Variants in IL1RAPL1 observed in about 807,000 individuals in gnomAD.
IL1RAPL1 encodes the protein interleukin 1 receptor accessory protein like 1.
In IL1RAPL1, 3 loss-of-function variants were observed where a neutral mutation model predicts 48.4. That is an observed-to-expected ratio of 0.06 (90% CI 0.03 to 0.16). The LOEUF (loss-of-function observed/expected upper bound fraction) is 0.16. Ranked by LOEUF, IL1RAPL1 falls within the 10% of genes least tolerant of loss-of-function variation. The pLI is 1.00. For missense variants in IL1RAPL1, 349 were observed against 530.6 expected, an observed-to-expected ratio of 0.66 and a Z score of 3.36; for synonymous variants, 185 against 187.7, an observed-to-expected ratio of 0.99 and a Z score of 0.12.
intron 5 of IL1RAPL1, among the ~76,000 whole-genome samples, chrX:29,606,013 C>G (rs192249525): frequency 1.8e-5 from 2 of 112,058 alleles, no homozygotes; most frequent in East Asian, 5.6e-4. Context: ...AGAAACCTAG[C>G]TCTATAACCT....
chrX:29,189,169 G>A (rs1026015608), intron 2 of IL1RAPL1, among the ~76,000 whole-genome samples: 1 of 112,170 alleles, frequency 8.9e-6, no homozygotes, highest in African/African-American at 3.2e-5. Context: ...GAATAAAGCA[G>A]AATATAAGAT....
intron 6 of IL1RAPL1, among the ~76,000 whole-genome samples, chrX:29,739,140 G>A (rs1190038889): frequency 8.9e-6 from 1 of 112,128 alleles, no homozygotes; most frequent in Non-Finnish European, 1.9e-5. Flanking sequence ...TGTGCTGAAA[G>A]GCACATAAAG....
intron 2 of IL1RAPL1, among the ~76,000 whole-genome samples, chrX:28,954,071 G>C (rs913387738): frequency 9.0e-6 from 1 of 111,370 alleles, no homozygotes; most frequent in African/African-American, 3.3e-5. Context: ...CATTGTCCTT[G>C]ATATTTAATA....
chrX:28,889,111 T>C (rs1922712202), intron 2 of IL1RAPL1, among the ~76,000 whole-genome samples: 1 of 111,408 alleles, frequency 9.0e-6, no homozygotes, highest in South Asian at 3.7e-4. Context: ...TATTTTGGGG[T>C]TCCTGGATTT....
intron 6 of IL1RAPL1, among the ~76,000 whole-genome samples, chrX:29,823,598 C>A (rs757232866): frequency 3.6e-5 from 4 of 111,837 alleles, no homozygotes; most frequent in Non-Finnish European, 5.7e-5. Context: ...TGAAGTTAGG[C>A]AATTCATGTA....
chrX:29,127,104 G>A (rs182934358), intron 2 of IL1RAPL1, among the ~76,000 whole-genome samples: 8 of 111,372 alleles, frequency 7.2e-5, no homozygotes, highest in African/African-American at 2.3e-4. Context: ...TAAACAGAGC[G>A]TTTTATAACA....
chrX:29,466,245 A>G (rs749565542), intron 5 of IL1RAPL1, among the ~76,000 whole-genome samples: 156 of 112,174 alleles, frequency 1.4e-3, no homozygotes, highest in Non-Finnish European at 2.3e-3. Flanking sequence ...ATGGTGTTCA[A>G]TCCATATTCC....
At chrX:29,087,843 T>C (rs1007738892) in intron 2 of IL1RAPL1, among the ~76,000 whole-genome samples, 1 of 111,894 alleles carries the variant, frequency 8.9e-6, no homozygotes, top group Non-Finnish European at 1.9e-5. Context: ...GAGACCGGCC[T>C]GGGCAACATG....
intron 3 of IL1RAPL1, among the ~76,000 whole-genome samples, chrX:29,368,593 T>TC (rs1310490065): frequency 6.0e-5 from 6 of 100,347 alleles, no homozygotes; most frequent in African/African-American, 2.3e-4. Flanking sequence ...TTTCTTTCTT[T>TC]TTTTTTTTTT....
intron 6 of IL1RAPL1, among the ~76,000 whole-genome samples, chrX:29,759,715 T>C (rs984386829): frequency 1.8e-5 from 2 of 111,842 alleles, no homozygotes; most frequent in Non-Finnish European, 3.8e-5. Flanking sequence ...TATAAAATGA[T>C]TGAGGAATTT....
At chrX:28,877,842 G>C (rs1360953776) in intron 2 of IL1RAPL1, among the ~76,000 whole-genome samples, 1 of 111,664 alleles carries the variant, frequency 9.0e-6, no homozygotes, top group Admixed American at 9.6e-5. Flanking sequence ...AAGTAAATTA[G>C]ACTAAACATC....
At chrX:28,654,222 G>A (rs551368436) in intron 1 of IL1RAPL1, among the ~76,000 whole-genome samples, 22 of 101,472 alleles carry the variant, frequency 2.2e-4, no homozygotes, top group Non-Finnish European at 3.9e-4. Context: ...AAACACACAC[G>A]AACAAACAAA....
chrX:29,031,259 G>T (rs1229773128), intron 2 of IL1RAPL1, among the ~76,000 whole-genome samples: 1 of 111,883 alleles, frequency 8.9e-6, no homozygotes, highest in East Asian at 2.8e-4. Flanking sequence ...TCTAATTTTT[G>T]CTAACCATTT....
intron 7 of IL1RAPL1, 74 bp from the exon 8 acceptor site, chrX:29,919,875 T>C (rs1207888391): frequency 1.0e-6 from 1 of 994,743 alleles, no homozygotes; most frequent in African/African-American, 1.9e-5. Flanking sequence ...CAGATTCGGA[T>C]TCATCTACAT....
At chrX:29,758,173 T>C (rs1928664483) in intron 6 of IL1RAPL1, among the ~76,000 whole-genome samples, 1 of 112,288 alleles carries the variant, frequency 8.9e-6, no homozygotes, top group Non-Finnish European at 1.9e-5. Flanking sequence ...CATTGTTTAA[T>C]TCTTTCTTCT....
chrX:28,648,559 T>A (rs1934643195), intron 1 of IL1RAPL1, among the ~76,000 whole-genome samples: 1 of 112,048 alleles, frequency 8.9e-6, no homozygotes. Flanking sequence ...AGAACTACTT[T>A]GGTTTTGTCT....
At chrX:29,799,519 C>T (rs775644085) in intron 6 of IL1RAPL1, among the ~76,000 whole-genome samples, 1 of 112,396 alleles carries the variant, frequency 8.9e-6, no homozygotes, top group South Asian at 3.7e-4. Context: ...CATTGTTTTA[C>T]AAGTAGTTCA....
chrX:29,717,665 C>T (rs2147123756), intron 6 of IL1RAPL1, among the ~76,000 whole-genome samples: 1 of 112,437 alleles, frequency 8.9e-6, no homozygotes, highest in East Asian at 2.8e-4. Context: ...CACAGCTCTG[C>T]TAATTTGTTT....
chrX:29,136,748 C>T (rs1348933116), intron 2 of IL1RAPL1, among the ~76,000 whole-genome samples: 1 of 111,824 alleles, frequency 8.9e-6, no homozygotes, highest in African/African-American at 3.3e-5. Context: ...TATGAATTTG[C>T]TTTGATTATT....
Sources: gnomAD v4.1 joint callset for allele counts (sites outside exome capture counted in the v4.1 genomes callset) on GRCh38, gnomAD v4.1.1 for gene constraint, MANE v1.5 for transcripts, NCBI Gene and HGNC (gene_info 2026-07-23, HGNC 2026-07-21) for gene names.